The following CSMD1 variants were observed in gnomAD, a reference collection of about 807,000 sequenced individuals.
CSMD1 encodes the protein CUB and sushi domain-containing protein 1.
A neutral mutation model predicts 417.5 loss-of-function variants in CSMD1; 213 were observed. The ratio of observed to expected loss-of-function variants is 0.51; its 90% CI spans 0.46 to 0.57. The LOEUF is 0.57. CSMD1 is among the 20% of genes least tolerant of loss of function. CSMD1 has a pLI of 0.00. For synonymous variants in CSMD1, 2,862 were observed against 1,736.8 expected (o/e 1.65, Z -16.11); for missense variants, 6,923 against 4,529.7 (o/e 1.53, Z -15.17).
Position 2,944,534 on chromosome 8 carries a change from C to T in CSMD1, c.10403-1930G>A, listed in dbSNP as rs1802089698. Among the ~76,000 whole-genome samples, 5 of 152,182 alleles carry T rather than the reference C, an allele frequency of 3.3e-5. No individual in the cohort carries two copies. The South Asian group carries it at 8.3e-4, about 25-fold the overall frequency. On this transcript the variant is annotated intron_variant, in intron 68 of 69. Transcript: ENST00000635120. Reference sequence around the variant, plus strand: ...CAATGCCTGGCACAGAGGGAATGTTCACACGGACTCATAGTCACAAAAATG... The same window carrying T: ...CAATGCCTGGCACAGAGGGAATGTTTACACGGACTCATAGTCACAAAAATG...
rs550809436 is a variant in CSMD1, at chr8:4,285,341, A to G, written c.415+134612T>C. 1.9e-4 allele frequency among the ~76,000 whole-genome samples: 29 copies of G among 152,328 alleles called. No homozygotes were observed. The South Asian group carries it at 6.0e-3, about 32-fold the overall frequency. Reference sequence around the variant, plus strand: ...CAGTCCTTTACTTTATATTTCATTTAGAACTCCCATCTGAAACTGCAGCCT... The same window carrying G: ...CAGTCCTTTACTTTATATTTCATTTGGAACTCCCATCTGAAACTGCAGCCT... On this transcript the variant is annotated intron_variant, in intron 3 of 69. Transcript: ENST00000635120.
chr8:3,660,951 G>C (rs1303571155), intron 7 of CSMD1, among the ~76,000 whole-genome samples: 2 of 152,204 alleles, frequency 1.3e-5, no homozygotes, highest in Non-Finnish European at 2.9e-5. Context: ...ACACAAGACT[G>C]ACAGGTGTGA....
chr8:4,596,680 G>A lies in CSMD1; in HGVS notation c.302+40662C>T, dbSNP rs114456344. Among the ~76,000 whole-genome samples, 379 of 152,118 alleles carry A rather than the reference G, an allele frequency of 2.5e-3. 2 individuals carry two copies. The highest frequency in any genetic ancestry group is 8.6e-3 in the African/African-American group (357 of 41,516). On this transcript the variant is annotated intron_variant, in intron 2 of 69. Transcript: ENST00000635120. ...TAGTACGTTTGCTGTTTGAACACTC[G>A]GTCTAACTTCAGTTCATTCAAAAAC...
chr8:3,150,045 T>G (rs556514623), intron 40 of CSMD1, among the ~76,000 whole-genome samples: 42 of 152,276 alleles, frequency 2.8e-4, no homozygotes, highest in African/African-American at 9.9e-4. Flanking sequence ...TCTCCAGATC[T>G]CCAGGGCAAG....
At chr8:3,889,283 G>C (rs538418120) in intron 5 of CSMD1, among the ~76,000 whole-genome samples, 1 of 151,276 alleles carries the variant, frequency 6.6e-6, no homozygotes, top group Non-Finnish European at 1.5e-5. Context: ...GAAAGCCATT[G>C]CCTTTTTTTT....
At chr8:4,787,557 G>A in intron 1 of CSMD1, 1 of 1,445,588 alleles carries the variant, frequency 6.9e-7, no homozygotes, top group Admixed American at 1.7e-5. Flanking sequence ...AGAAAATGTG[G>A]GGAGACAGCT....
rs761222909 is a variant in CSMD1 at position 3,343,421 on chromosome 8, A to T, written c.3504T>A (p.Arg1168=). The T allele has an allele frequency of 6.2e-7, 1 of 1,613,762 alleles. No homozygotes were observed. Among genetic ancestry groups the T allele is most frequent in the Non-Finnish European group, 8.5e-7 (1 of 1,179,742 alleles). ...CATTTTTAGTGAACGTGCCCAGTGG[A>T]CGTGAGGAACTGTCTTTTCCATCAT... ...KVYDGKDSSS[R]PLGTFTKNEL... is the part of the protein sequence containing the mutation. The change falls in exon 23 of 70, where the codon CGT becomes CGA. Residue 1168 remains arginine, a synonymous_variant. Coordinates refer to ENST00000635120, the MANE Select transcript of CSMD1 (RefSeq NM_033225.6).
chr8:3,524,620 C>T (rs553914360), intron 10 of CSMD1, among the ~76,000 whole-genome samples: 2 of 151,156 alleles, frequency 1.3e-5, no homozygotes, highest in Non-Finnish European at 1.5e-5. Flanking sequence ...TGCACATACA[C>T]ACATGCACAC....
intron 1 of CSMD1, among the ~76,000 whole-genome samples, chr8:4,977,082 G>C (rs1810603969): frequency 6.6e-6 from 1 of 152,050 alleles, no homozygotes; most frequent in Admixed American, 6.6e-5. Flanking sequence ...CAGTTATATT[G>C]GCGTTTCTCT....
Position 3,574,982 on chromosome 8 carries a change from T to C in CSMD1, c.1307A>G (p.His436Arg). Residue 436 changes from histidine (H) to arginine (R), a missense_variant, in exon 10 of 70, where the codon CAC becomes CGC. Coordinates refer to ENST00000635120, the MANE Select transcript of CSMD1 (RefSeq NM_033225.6). ...GGTGGTGGTGATGACCCACACACAG[T>C]GTGCATTATCTTCATACTGAACCGG... ...NYPVQYEDNA[H>R]CVWVITTTDP... is the part of the protein sequence containing the mutation. 1 of 1,613,010 alleles carries C rather than the reference T, an allele frequency of 6.2e-7. No individual in the cohort carries two copies. Among genetic ancestry groups the C allele is most frequent in the Non-Finnish European group, 8.5e-7 (1 of 1,179,768 alleles).
At chr8:3,925,288 C>T (rs1472297227) in intron 5 of CSMD1, among the ~76,000 whole-genome samples, 1 of 152,066 alleles carries the variant, frequency 6.6e-6, no homozygotes, top group South Asian at 2.1e-4. Context: ...CTACAATAAC[C>T]CAAGAGGTGA....
chr8:4,005,802 G>A (rs1433928916), intron 4 of CSMD1, among the ~76,000 whole-genome samples: 2 of 152,150 alleles, frequency 1.3e-5, no homozygotes, highest in African/African-American at 4.8e-5. Context: ...AATCTCATTT[G>A]CACTTGGCAT....
intron 12 of CSMD1, among the ~76,000 whole-genome samples, chr8:3,433,411 T>C (rs1814348747): frequency 6.6e-6 from 1 of 152,238 alleles, no homozygotes; most frequent in Non-Finnish European, 1.5e-5. Flanking sequence ...ACCCACTTTC[T>C]TAATATCCCC....
intron 10 of CSMD1, among the ~76,000 whole-genome samples, chr8:3,534,556 G>A (rs1218243754): frequency 2.7e-5 from 4 of 150,096 alleles, no homozygotes; most frequent in African/African-American, 4.9e-5. Flanking sequence ...TCAAAAATTA[G>A]TGTACAATCA....
At chr8:4,143,704 G>C (rs763521098) in intron 3 of CSMD1, among the ~76,000 whole-genome samples, 2 of 151,002 alleles carry the variant, frequency 1.3e-5, no homozygotes, top group South Asian at 4.2e-4. Context: ...GATACACAAA[G>C]TAACAAAGGA....
At chr8:4,418,448 G>A (rs1040185796) in intron 3 of CSMD1, among the ~76,000 whole-genome samples, 4 of 152,072 alleles carry the variant, frequency 2.6e-5, no homozygotes, top group African/African-American at 9.7e-5. Context: ...CAACAGCGAT[G>A]GAGTTTTCAC....
At chr8:4,755,693 G>T (rs778286512) in intron 1 of CSMD1, among the ~76,000 whole-genome samples, 2 of 152,166 alleles carry the variant, frequency 1.3e-5, no homozygotes, top group Admixed American at 6.5e-5. Context: ...CGCAGTTAAA[G>T]TTTCACACAA....
At chr8:3,579,819 G>A (rs1800305035) in intron 9 of CSMD1, among the ~76,000 whole-genome samples, 1 of 152,140 alleles carries the variant, frequency 6.6e-6, no homozygotes, top group African/African-American at 2.4e-5. Context: ...ACATATCACA[G>A]CAAGGCCAGT....
chr8:4,116,259 G>A (rs1802140849), intron 3 of CSMD1, among the ~76,000 whole-genome samples: 1 of 151,920 alleles, frequency 6.6e-6, no homozygotes, highest in Non-Finnish European at 1.5e-5. Flanking sequence ...CTCCCACAGT[G>A]CTGGGATTAC....
Sources: allele counts gnomAD v4.1 joint callset (sites outside exome capture counted in the v4.1 genomes callset), GRCh38; gene constraint gnomAD v4.1.1; transcripts MANE v1.5; gene names NCBI Gene and HGNC (gene_info 2026-07-23, HGNC 2026-07-21).